Variants in RALGPS2 observed in about 807,000 individuals in gnomAD.
The protein encoded by RALGPS2 is Ral GEF with PH domain and SH3 binding motif 2, also known as ras-specific guanine nucleotide-releasing factor RalGPS2.
In RALGPS2, 43 loss-of-function variants were observed where a neutral mutation model predicts 86.8. That is an observed-to-expected ratio of 0.50 (90% CI 0.39 to 0.64). RALGPS2 has a LOEUF of 0.64. Among genes scored for constraint, RALGPS2 ranks in the 30% least tolerant of loss-of-function variants. RALGPS2 has a pLI of 0.00. For synonymous variants in RALGPS2, 243 were observed against 231.3 expected (o/e 1.05, Z -0.46); for missense variants, 536 against 694.6 (o/e 0.77, Z 2.57).
intron 19 of RALGPS2, among the ~76,000 whole-genome samples, chr1:178,913,983 G>A (rs1660719481): frequency 1.3e-5 from 2 of 152,190 alleles, no homozygotes; most frequent in East Asian, 1.9e-4. Context: ...AAAGCACTAT[G>A]GTGACAGTCG....
chr1:178,902,234 G>T (rs781691582), intron 18 of RALGPS2, 23 bp downstream of exon 18: 3 of 1,548,776 alleles, frequency 1.9e-6, no homozygotes, highest in Non-Finnish European at 1.8e-6. Context: ...AATAACTGGG[G>T]CTTACGATAC....
chr1:178,880,774 GCA>G (rs1270855766), intron 10 of RALGPS2, among the ~76,000 whole-genome samples: 1 of 152,136 alleles, frequency 6.6e-6, no homozygotes, highest in Non-Finnish European at 1.5e-5. Flanking sequence ...AGAAAATTTT[GCA>G]CAGTTTATAG....
chr1:178,756,005 T>C (rs975089423), intron 1 of RALGPS2, among the ~76,000 whole-genome samples: 7 of 152,238 alleles, frequency 4.6e-5, no homozygotes, highest in Admixed American at 3.9e-4. Flanking sequence ...TGTCTGTTTG[T>C]ATCTTTTGTC....
chr1:178,798,645 T>A (rs79391136), intron 4 of RALGPS2, among the ~76,000 whole-genome samples: 3,860 of 151,978 alleles, frequency 0.025, 158 homozygotes, highest in African/African-American at 0.087. Flanking sequence ...GTTTTTTTTT[T>A]AAAAAGGAAA....
intron 1 of RALGPS2, among the ~76,000 whole-genome samples, chr1:178,749,308 G>A (rs2102040045): frequency 6.6e-6 from 1 of 152,158 alleles, no homozygotes; most frequent in South Asian, 2.1e-4. Flanking sequence ...CTAACATGAT[G>A]AATCCTTGTC....
chr1:178,838,677 G>A (rs1448843602), intron 8 of RALGPS2, among the ~76,000 whole-genome samples: 5 of 152,206 alleles, frequency 3.3e-5, no homozygotes, highest in East Asian at 1.9e-4. Flanking sequence ...TGACTTTGAC[G>A]AGTTGAGAGA....
At chr1:178,872,567 A>G (rs1279930612) in intron 8 of RALGPS2, among the ~76,000 whole-genome samples, 1 of 152,206 alleles carries the variant, frequency 6.6e-6, no homozygotes, top group African/African-American at 2.4e-5. Context: ...TTTTTCCTGT[A>G]ATACTTCCTG....
At chr1:178,857,215 A>C (rs1347994947) in intron 8 of RALGPS2, among the ~76,000 whole-genome samples, 1 of 152,240 alleles carries the variant, frequency 6.6e-6, no homozygotes, top group Non-Finnish European at 1.5e-5. Flanking sequence ...GTATACTTAC[A>C]GTATTCATAG....
intron 1 of RALGPS2, chr1:178,746,549 T>G (rs1177198967): frequency 1.6e-6 from 1 of 614,510 alleles, no homozygotes; most frequent in Non-Finnish European, 3.0e-6. Flanking sequence ...AAGTTTACTT[T>G]GTAAACAAAC....
Position 178,854,028 on chromosome 1 carries a change from T to C in RALGPS2, c.607+20478T>C, listed in dbSNP as rs578146675. Among the ~76,000 whole-genome samples, 4 of 152,242 alleles carry C rather than the reference T, an allele frequency of 2.6e-5. No homozygotes were observed. The East Asian group carries it at 7.7e-4, about 29-fold the overall frequency. On this transcript the variant is annotated intron_variant, in intron 8 of 19. Coordinates refer to ENST00000367635, the MANE Select transcript of RALGPS2 (RefSeq NM_152663.5). ...ATATGTATTTTTTATATTGTTATAA[T>C]CCTAATACATGTAGAAAATTGGATT...
In RALGPS2 at chr1:178,865,014, G is replaced by C. The variant is rs1031757461; in HGVS notation, c.608-12484G>C. ...GGGCTTTTGGTGGGAGAAGTTGCCAGATCAGGTGGTGGCATTAAATCTCTG... is the reference window on the plus strand; with the variant it reads ...GGGCTTTTGGTGGGAGAAGTTGCCACATCAGGTGGTGGCATTAAATCTCTG... On this transcript the variant is annotated intron_variant, in intron 8 of 19. Coordinates refer to ENST00000367635, the MANE Select transcript of RALGPS2 (RefSeq NM_152663.5). 2.2e-5 allele frequency: 32 copies of C among 1,480,788 alleles called. No homozygotes were observed. Among genetic ancestry groups the C allele is most frequent in the Non-Finnish European group, 2.8e-5 (31 of 1,115,930 alleles). The allele number at this position is 1,480,788 out of a possible 1,614,324, so 91.7% of individuals were successfully genotyped here.
intron 8 of RALGPS2, among the ~76,000 whole-genome samples, chr1:178,862,339 C>T (rs1054303360): frequency 6.6e-6 from 1 of 152,050 alleles, no homozygotes; most frequent in Non-Finnish European, 1.5e-5. Flanking sequence ...ATAAAAATGT[C>T]ACCAAATCAA....
intron 4 of RALGPS2, among the ~76,000 whole-genome samples, chr1:178,791,521 A>G (rs1653956346): frequency 1.3e-5 from 2 of 152,124 alleles, no homozygotes; most frequent in South Asian, 2.1e-4. Flanking sequence ...CTAAATTTCA[A>G]TTTTGAAGAA....
At chr1:178,812,616 T>A (rs898129244) in intron 6 of RALGPS2, among the ~76,000 whole-genome samples, 5 of 152,328 alleles carry the variant, frequency 3.3e-5, no homozygotes, top group Non-Finnish European at 7.3e-5. Context: ...TAGGGTAATA[T>A]ATTTTTGGTT....
intron 17 of RALGPS2, among the ~76,000 whole-genome samples, chr1:178,898,850 A>C (rs776882065): frequency 1.3e-5 from 2 of 151,942 alleles, no homozygotes; most frequent in Non-Finnish European, 2.9e-5. Context: ...ATTCTGGTCA[A>C]ATTGACAATA....
chr1:178,806,609 T>C (rs899460789), intron 4 of RALGPS2, among the ~76,000 whole-genome samples: 2 of 152,296 alleles, frequency 1.3e-5, no homozygotes, highest in East Asian at 3.8e-4. Context: ...TTATATTTTT[T>C]ATTTCTAAAA....
chr1:178,853,637 G>C (rs1465607407), intron 8 of RALGPS2: 1 of 1,609,070 alleles, frequency 6.2e-7, no homozygotes, highest in Non-Finnish European at 8.5e-7. Context: ...AGAGCCGTCT[G>C]TTCTTTTCTG....
intron 1 of RALGPS2, among the ~76,000 whole-genome samples, chr1:178,771,039 A>T (rs1322431595): frequency 6.6e-6 from 1 of 150,896 alleles, no homozygotes; most frequent in African/African-American, 2.4e-5. Context: ...GGGTTTCACC[A>T]TGTTGGCCAC....
At chr1:178,894,107 A>T in intron 16 of RALGPS2, 83 bp downstream of exon 16, 1 of 790,272 alleles carries the variant, frequency 1.3e-6, no homozygotes. Flanking sequence ...TAAAACAATT[A>T]AAATAAAACC....
Sources: gnomAD v4.1 joint callset for allele counts (sites outside exome capture counted in the v4.1 genomes callset) on GRCh38, gnomAD v4.1.1 for gene constraint, MANE v1.5 for transcripts, NCBI Gene and HGNC (gene_info 2026-07-23, HGNC 2026-07-21) for gene names.